The following ERBIN variants were observed in gnomAD, a reference collection of about 807,000 sequenced individuals.
The protein encoded by ERBIN is erbb2 interacting protein, also known as densin-180-like protein.
A neutral mutation model predicts 158.4 loss-of-function variants in ERBIN; 60 were observed. The observed-to-expected ratio is 0.38, with a 90% CI of 0.31 to 0.47. The LOEUF is 0.47. Ranked by LOEUF, ERBIN falls within the 20% of genes least tolerant of loss-of-function variation. The pLI, the probability that ERBIN is intolerant of heterozygous loss-of-function variation, is 0.99. For missense variants in ERBIN, 1,610 were observed against 1,648.0 expected (o/e 0.98, Z 0.40); for synonymous variants, 594 against 557.2 (o/e 1.07, Z -0.93).
intron 21 of ERBIN, among the ~76,000 whole-genome samples, chr5:66,069,758 C>G (rs1218874192): frequency 6.6e-6 from 1 of 152,178 alleles, no homozygotes; most frequent in East Asian, 1.9e-4. Flanking sequence ...TGTTTTGTCT[C>G]TAATAACCCT....
In ERBIN at chr5:65,941,210, A is replaced by G. The variant is rs532444941; in HGVS notation, c.-58+14404A>G. On this transcript the variant is annotated intron_variant, in intron 1 of 25. Transcript: ENST00000284037. ...GCCGCAGGGTCCTCTGCATATGAAAACCAGAGACCTTTGTTCACTTGTTTA... is the reference window on the plus strand; with the variant it reads ...GCCGCAGGGTCCTCTGCATATGAAAGCCAGAGACCTTTGTTCACTTGTTTA... Among the ~76,000 whole-genome samples the G allele has an allele frequency of 2.0e-5, 3 of 151,660 alleles. No homozygotes were observed. The East Asian group carries it at 5.8e-4, about 29-fold the overall frequency.
intron 21 of ERBIN, among the ~76,000 whole-genome samples, chr5:66,066,564 A>G (rs1337581996): frequency 1.3e-5 from 2 of 152,122 alleles, no homozygotes; most frequent in East Asian, 3.9e-4. Flanking sequence ...GAATTCAAAG[A>G]TACAAAGTAG....
At chr5:66,018,413 A>G (rs1373076711) in intron 7 of ERBIN, among the ~76,000 whole-genome samples, 1 of 105,376 alleles carries the variant, frequency 9.5e-6, no homozygotes, top group Non-Finnish European at 1.9e-5. Context: ...TGTTATATGT[A>G]TATACCTAAG....
At chr5:66,057,869 A>G (rs1377929081) in intron 21 of ERBIN, among the ~76,000 whole-genome samples, 1 of 150,986 alleles carries the variant, frequency 6.6e-6, no homozygotes, top group Non-Finnish European at 1.5e-5. Flanking sequence ...TGTCCCTACA[A>G]AGGACATGAA....
At chr5:66,000,176 T>C (rs1158054643) in intron 4 of ERBIN, among the ~76,000 whole-genome samples, 1 of 152,136 alleles carries the variant, frequency 6.6e-6, no homozygotes, top group African/African-American at 2.4e-5. Context: ...ACATCTGAAA[T>C]TGTATGTATT....
At chr5:65,946,600 AT>A (rs2150905896) in intron 1 of ERBIN, among the ~76,000 whole-genome samples, 1 of 152,306 alleles carries the variant, frequency 6.6e-6, no homozygotes, top group East Asian at 1.9e-4. Context: ...GTGAATATTC[AT>A]GTAGAGGTTT....
intron 25 of ERBIN, among the ~76,000 whole-genome samples, chr5:66,077,942 C>G (rs554385655): frequency 2.0e-5 from 3 of 152,226 alleles, no homozygotes; most frequent in African/African-American, 7.2e-5. Context: ...GTGAAAGAAT[C>G]TTTTTTGAGC....
At chr5:65,945,907 C>T (rs1580111420) in intron 1 of ERBIN, among the ~76,000 whole-genome samples, 1 of 152,274 alleles carries the variant, frequency 6.6e-6, no homozygotes, top group East Asian at 1.9e-4. Context: ...AGTATAATTT[C>T]ACAACCAGGA....
At chr5:65,930,954 C>T (rs1743295782) in intron 1 of ERBIN, among the ~76,000 whole-genome samples, 1 of 152,146 alleles carries the variant, frequency 6.6e-6, no homozygotes, top group African/African-American at 2.4e-5. Context: ...TTCCAGACAC[C>T]ATTGAATGAA....
chr5:66,049,991 G>T (rs1758858060), intron 19 of ERBIN, among the ~76,000 whole-genome samples: 1 of 151,934 alleles, frequency 6.6e-6, no homozygotes, highest in Non-Finnish European at 1.5e-5. Context: ...TCCTTGATTT[G>T]TTTGGTGATT....
intron 1 of ERBIN, among the ~76,000 whole-genome samples, chr5:65,954,161 G>A (rs952127379): frequency 4.6e-5 from 7 of 152,074 alleles, no homozygotes; most frequent in South Asian, 2.1e-4. Context: ...TATTAAAAGC[G>A]CATATAATTT....
chr5:65,959,035 A>G (rs1289030382), intron 1 of ERBIN, among the ~76,000 whole-genome samples: 2 of 152,212 alleles, frequency 1.3e-5, no homozygotes, highest in Non-Finnish European at 2.9e-5. Context: ...TTCTAAGGGT[A>G]AATTTTTAAA....
chr5:65,982,619 G>C (rs1353523862), intron 1 of ERBIN, among the ~76,000 whole-genome samples: 1 of 152,116 alleles, frequency 6.6e-6, no homozygotes, highest in Admixed American at 6.5e-5. Flanking sequence ...AAAGCCATTT[G>C]TAATTAGAAA....
chr5:65,937,988 A>G (rs1220919964), intron 1 of ERBIN, among the ~76,000 whole-genome samples: 2 of 152,166 alleles, frequency 1.3e-5, no homozygotes, highest in East Asian at 1.9e-4. Flanking sequence ...AAGATCATTG[A>G]TAACTTTACG....
chr5:66,046,339 T>C lies in ERBIN; in HGVS notation c.1603-14T>C. ...CTTAAAGAATATGAGCTCTTTATCT[T>C]TTCTTTTACTTAGACCTCAGAAAGT... On this transcript the variant is annotated splice_polypyrimidine_tract_variant and intron_variant, in intron 17 of 25. Transcript: ENST00000284037. 7.0e-7 allele frequency: 1 copy of C among 1,422,272 alleles called. No individual in the cohort carries two copies. Among genetic ancestry groups the C allele is most frequent in the Non-Finnish European group, 9.5e-7 (1 of 1,054,886 alleles). 88.1% of individuals were successfully genotyped at this position (1,422,272 alleles called of 1,614,324 possible).
chr5:66,035,681 G>T (rs1561405594), intron 14 of ERBIN, among the ~76,000 whole-genome samples: 1 of 152,032 alleles, frequency 6.6e-6, no homozygotes, highest in East Asian at 1.9e-4. Context: ...AATATATATG[G>T]TCATATTCCT....
At chr5:66,050,692 G>T (rs1005942720) in intron 19 of ERBIN, 91 bp from the exon 20 acceptor site, 11 of 740,742 alleles carry the variant, frequency 1.5e-5, no homozygotes, top group Non-Finnish European at 1.9e-5. Context: ...TATAGAACCA[G>T]GATGGTATAA....
intron 7 of ERBIN, among the ~76,000 whole-genome samples, 152 bp from the exon 8 acceptor site, chr5:66,021,167 TTTA>T: frequency 1.5e-5 from 1 of 65,228 alleles, no homozygotes; most frequent in South Asian, 7.4e-4. Context: ...AAATCTGACT[TTTA>T]AAATTTTTTA....
intron 1 of ERBIN, among the ~76,000 whole-genome samples, chr5:65,948,291 C>A (rs1746048415): frequency 6.6e-6 from 1 of 151,932 alleles, no homozygotes; most frequent in African/African-American, 2.4e-5. Flanking sequence ...CTTCCCGCCT[C>A]AGCCTCCCAA....
Sources: allele counts gnomAD v4.1 joint callset (sites outside exome capture counted in the v4.1 genomes callset), GRCh38; gene constraint gnomAD v4.1.1; transcripts MANE v1.5; gene names NCBI Gene and HGNC (gene_info 2026-07-23, HGNC 2026-07-21).